The following FER1L5 variants were observed in gnomAD, a reference collection of about 807,000 sequenced individuals.
FER1L5 encodes fer-1-like protein 5.
FER1L5 carries 187 observed loss-of-function variants against 279.9 expected under a neutral mutation model. The ratio of observed to expected loss-of-function variants is 0.67; its 90% CI spans 0.59 to 0.75. The LOEUF is 0.75. Among genes scored for constraint, FER1L5 ranks in the 30% least tolerant of loss-of-function variants. The probability of loss-of-function intolerance (pLI) is 0.00; values close to 1 mark genes in which losing one functional copy is unlikely to be tolerated. For synonymous variants in FER1L5, 921 were observed against 989.7 expected, an observed-to-expected ratio of 0.93 and a Z score of 1.30; for missense variants, 2,091 against 2,594.4, an observed-to-expected ratio of 0.81 and a Z score of 4.21.
At chr2:96,651,410 C>G (rs1412243080) in intron 6 of FER1L5, among the ~76,000 whole-genome samples, 1 of 146,960 alleles carries the variant, frequency 6.8e-6, no homozygotes, top group Non-Finnish European at 1.5e-5. Context: ...TCCCTTCTTT[C>G]TTTCTTTCTT....
intron 20 of FER1L5, 44 bp from the exon 21 acceptor site, chr2:96,685,285 C>G: frequency 6.6e-7 from 1 of 1,521,064 alleles, no homozygotes; most frequent in Non-Finnish European, 8.9e-7. Context: ...AGCTGGGCTC[C>G]ATGCTGAGGC....
In FER1L5 at chr2:96,669,029, C is replaced by G. The variant is rs565240875; in HGVS notation, c.1268-14C>G. ...CGTCCTGCGCCCGACCCTTCTCACT[C>G]TCTCTCCTTCCAGGAGTGTACTCCG... On this transcript the variant is annotated splice_polypyrimidine_tract_variant and intron_variant, in intron 16 of 52. Coordinates refer to ENST00000624922, the MANE Select transcript of FER1L5 (RefSeq NM_001293083.2). 3.9e-6 allele frequency: 6 copies of G among 1,551,564 alleles called. No individual in the cohort carries two copies. In the East Asian group the frequency reaches 1.5e-4, roughly 38 times the overall value.
At chr2:96,703,489 C>T in intron 50 of FER1L5, 34 bp from the exon 51 acceptor site, 1 of 1,612,100 alleles carries the variant, frequency 6.2e-7, no homozygotes, top group Non-Finnish European at 8.5e-7. Context: ...CTGCTGTCTG[C>T]ACTCAGCCTC....
rs774619423 is a variant in FER1L5 at position 96,698,090 on chromosome 2, C to T, written c.4290C>T (p.Phe1430=). The change falls in exon 40 of 53, where the codon TTC becomes TTT. Residue 1430 remains phenylalanine (F), a synonymous_variant. Coordinates refer to ENST00000624922, the MANE Select transcript of FER1L5 (RefSeq NM_001293083.2). This position sits in a 1 kb window ranked among gnomAD's most constrained non-coding sequence, Gnocchi z 5.5. The part of the protein sequence containing the change: ...AVPAFQGLQD[F]CQTFKLYQEQ... ...CAGCCTTCCAGGGCCTGCAGGACTT[C>T]TGCCAGACCTTCAAACTCTACCAGG... 1.3e-6 allele frequency: 2 copies of T among 1,589,884 alleles called. No homozygotes were observed. Among genetic ancestry groups the T allele is most frequent in the Non-Finnish European group, 1.7e-6 (2 of 1,168,376 alleles).
intron 24 of FER1L5, 46 bp downstream of exon 24, chr2:96,687,993 TG>T (rs1365423494): frequency 1.2e-5 from 19 of 1,543,154 alleles, no homozygotes; most frequent in Non-Finnish European, 1.6e-5. Context: ...CACGCGGGGG[TG>T]GGGGTAGGGT....
chr2:96,701,852 C>A, intron 45 of FER1L5, 103 bp from the exon 46 acceptor site: 2 of 1,110,002 alleles, frequency 1.8e-6, no homozygotes, highest in Admixed American at 2.1e-5. Flanking sequence ...GTGTTGGGAA[C>A]ACAACCTCAA....
chr2:96,703,898 C>T (rs1417635358), intron 51 of FER1L5, among the ~76,000 whole-genome samples: 1 of 150,030 alleles, frequency 6.7e-6, no homozygotes, highest in African/African-American at 2.5e-5. Flanking sequence ...TCACTGCAAC[C>T]TCTGCCTCCT....
rs2076270275 is a variant in FER1L5, at chr2:96,670,131, T to G, written c.1375T>G (p.Ser459Ala). ...IQEEGACIPD[S>A]VRDGLAYRGR... is the part of the protein sequence containing the mutation. ...TCGCTTGCCCTAGTGTATTCCCGAC[T>G]CTGTTAGGGATGGTTTAGCTTATCG... is the stretch of plus-strand genomic sequence containing the variant. The change falls in exon 18 of 53, where the codon TCT becomes GCT. Residue 459 changes from serine to alanine, a missense_variant. By Grantham distance (99) the Ser-to-Ala change is moderately conservative (BLOSUM62 1). Coordinates refer to ENST00000624922, the MANE Select transcript of FER1L5 (RefSeq NM_001293083.2). The G allele has an allele frequency of 2.6e-6, 4 of 1,551,658 alleles. No homozygotes were observed. Among genetic ancestry groups the G allele is most frequent in the Non-Finnish European group, 2.6e-6 (3 of 1,146,970 alleles).
Position 96,704,635 on chromosome 2 carries a change from A to G in FER1L5, c.6117A>G (p.Pro2039=). ...TAGACCATGAGTGGAAACTCCACCC[A>G]GGACCCACAAATCACCTGAGTGATA... ...PTIDHEWKLH[P]GPTNHLSDIF... Residue 2039 remains proline (P), a synonymous_variant, in exon 53 of 53, where the codon CCA becomes CCG. Transcript: ENST00000624922. The G allele has an allele frequency of 6.2e-7, 1 of 1,614,034 alleles. No homozygotes were observed. Among genetic ancestry groups the G allele is most frequent in the Non-Finnish European group, 8.5e-7 (1 of 1,179,892 alleles).
intron 1 of FER1L5, among the ~76,000 whole-genome samples, chr2:96,643,747 T>A (rs1573745877): frequency 6.6e-6 from 1 of 151,218 alleles, no homozygotes; most frequent in African/African-American, 2.4e-5. Flanking sequence ...TTTTTTTTTT[T>A]AGGTAAGAGA....
chr2:96,644,174 CAA>C (rs533711497), intron 1 of FER1L5, among the ~76,000 whole-genome samples: 39 of 87,966 alleles, frequency 4.4e-4, no homozygotes, highest in Admixed American at 5.2e-4. Flanking sequence ...GAGGTGCCTT[CAA>C]AAAAAAAAAA....
intron 23 of FER1L5, 70 bp from the exon 24 acceptor site, chr2:96,687,746 C>G: frequency 6.5e-7 from 1 of 1,536,468 alleles, no homozygotes; most frequent in South Asian, 1.2e-5. Context: ...GTACAGCCCA[C>G]TTGGGGGGTG....
At chr2:96,666,753 C>G (rs1353795131) in intron 14 of FER1L5, among the ~76,000 whole-genome samples, 1 of 151,834 alleles carries the variant, frequency 6.6e-6, no homozygotes, top group East Asian at 1.9e-4. Context: ...TGGGTTCAAG[C>G]AATTCTTGTG....
At position 96,691,110 on chromosome 2, in the gene FER1L5, G is replaced by A; in HGVS notation, c.2744-80G>A. The A allele has an allele frequency of 2.1e-6, 3 of 1,454,290 alleles. No homozygotes were observed. Among genetic ancestry groups the A allele is most frequent in the Non-Finnish European group, 2.7e-6 (3 of 1,092,042 alleles). The allele number at this position is 1,454,290 out of a possible 1,614,324, so 90.1% of individuals were successfully genotyped here. ...ATGTGAGGGAAGTAATGCCCCTCTA[G>A]GGCCTGTCTCCCGGGTTTGTCCAGG... On this transcript the variant is annotated intron_variant, in intron 27 of 52. Transcript: ENST00000624922. This position sits in a 1 kb window ranked among gnomAD's most constrained non-coding sequence, Gnocchi z 6.0.
chr2:96,668,210 C>A (rs1317590390), intron 14 of FER1L5, among the ~76,000 whole-genome samples: 1 of 152,072 alleles, frequency 6.6e-6, no homozygotes, highest in South Asian at 2.1e-4. Flanking sequence ...CCTCTCAGGA[C>A]CTTGCAAGGG....
chr2:96,696,797 A>C (rs1000053354), intron 37 of FER1L5, among the ~76,000 whole-genome samples: 5 of 152,130 alleles, frequency 3.3e-5, no homozygotes, highest in African/African-American at 9.7e-5. Flanking sequence ...TCTAGCTACT[A>C]TGGAGGCTGA....
chr2:96,697,834 C>A, intron 39 of FER1L5, 73 bp downstream of exon 39: 1 of 1,553,208 alleles, frequency 6.4e-7, no homozygotes, highest in Non-Finnish European at 8.8e-7. Flanking sequence ...AGCCTTGATT[C>A]CTCTGGGAAG....
At chr2:96,676,832 ATACCT>A (rs924050406) in intron 19 of FER1L5, among the ~76,000 whole-genome samples, 1 of 152,076 alleles carries the variant, frequency 6.6e-6, no homozygotes, top group Non-Finnish European at 1.5e-5. Flanking sequence ...AATTGCATTG[ATACCT>A]TACATTATCT....
chr2:96,689,687 G>A lies in FER1L5; in HGVS notation c.2569G>A (p.Glu857Lys). 1 of 1,551,106 alleles carries A rather than the reference G, an allele frequency of 6.4e-7. No homozygotes were observed. The change falls in exon 26 of 53, where the codon GAG becomes AAG. Residue 857 changes from glutamate (E) to lysine (K), a missense_variant. Transcript: ENST00000624922. This position sits in a 1 kb window ranked among gnomAD's most constrained non-coding sequence, Gnocchi z 4.6. ...CATCAACAAGAGCCAGGTGCTGGAG[G>A]AGGTATATGAGAACCAGGGCCGTGA... is the stretch of plus-strand genomic sequence containing the variant. The part of the protein sequence containing the change: ...IDINKSQVLE[E>K]VYENQGRDTR...
Sources: allele counts gnomAD v4.1 joint callset (sites outside exome capture counted in the v4.1 genomes callset), GRCh38; gene constraint gnomAD v4.1.1; non-coding constraint Gnocchi (gnomAD v3.1); transcripts MANE v1.5; gene names NCBI Gene and HGNC (gene_info 2026-07-23, HGNC 2026-07-21).